The following KANK1 variants were observed in gnomAD, a reference collection of about 807,000 sequenced individuals.
KANK1 encodes the protein KN motif and ankyrin repeat domains 1.
In KANK1, 109 loss-of-function variants were observed where a neutral mutation model predicts 106.2. The ratio of observed to expected loss-of-function variants is 1.03; its 90% CI spans 0.88 to 1.20. KANK1 has a LOEUF of 1.20. KANK1 is among the 50% of genes most tolerant of loss of function. The pLI is 0.00. For missense variants in KANK1, 2,399 were observed against 1,710.7 expected (o/e 1.40, Z -7.10); for synonymous variants, 873 against 652.2 (o/e 1.34, Z -5.16).
In KANK1 at chr9:630,503, A is replaced by AT. The variant is rs1835430530; in HGVS notation, c.-83-46386dup. Among the ~76,000 whole-genome samples the AT allele has an allele frequency of 2.0e-5, 3 of 150,730 alleles. No individual in the cohort carries two copies. In the South Asian group the frequency reaches 6.3e-4, roughly 32 times the overall value. On this transcript the variant is annotated intron_variant, in intron 1 of 11. Coordinates refer to ENST00000382297, the MANE Select transcript of KANK1 (RefSeq NM_015158.5). ...GAGGCGGAGCTTGCAGTGAGCTGAG[A>AT]TCCCGCCACTGCACTGCAGCCTGGG...
At chr9:723,089 A>C (rs373816655) in intron 3 of KANK1, among the ~76,000 whole-genome samples, 53 of 152,322 alleles carry the variant, frequency 3.5e-4, no homozygotes, top group African/African-American at 1.7e-4. Context: ...CCAGACCTGT[A>C]GGATGATCTA....
intron 1 of KANK1, among the ~76,000 whole-genome samples, chr9:613,161 C>G: frequency 6.6e-6 from 1 of 151,896 alleles, no homozygotes; most frequent in Admixed American, 6.6e-5. Context: ...TGGCTCCATG[C>G]TTCCTAGCAG....
chr9:715,601 TC>T (rs2131083996), intron 3 of KANK1, among the ~76,000 whole-genome samples: 1 of 152,304 alleles, frequency 6.6e-6, no homozygotes, highest in South Asian at 2.1e-4. Context: ...ACTGGTTAGA[TC>T]CAACCCTGCT....
At chr9:568,846 C>T (rs16919829) in intron 1 of KANK1, among the ~76,000 whole-genome samples, 38,021 of 152,054 alleles carry the variant, frequency 0.25, 4,977 homozygotes, top group Admixed American at 0.32. Context: ...AATTACAGGT[C>T]AGAAGTCACA....
chr9:665,258 G>A (rs1844306353), intron 1 of KANK1, among the ~76,000 whole-genome samples: 1 of 152,156 alleles, frequency 6.6e-6, no homozygotes. Context: ...ATGTCCTGGA[G>A]CATTTCCCCA....
intron 5 of KANK1, chr9:732,024 T>A (rs1159237548): frequency 5.6e-6 from 1 of 177,078 alleles, no homozygotes; most frequent in Non-Finnish European, 1.2e-5. Context: ...CTGGGAGAAT[T>A]AATAGGATGA....
chr9:709,610 C>CTTTTTTTT (rs60899850), intron 2 of KANK1, among the ~76,000 whole-genome samples: 1 of 137,028 alleles, frequency 7.3e-6, no homozygotes, highest in African/African-American at 2.7e-5. Context: ...GCTTTCATGT[C>CTTTTTTTT]TTTTTTTTTT....
intron 1 of KANK1, among the ~76,000 whole-genome samples, chr9:639,251 G>A (rs902090395): frequency 6.6e-6 from 1 of 152,036 alleles, no homozygotes; most frequent in Non-Finnish European, 1.5e-5. Context: ...CTTATCATTG[G>A]CAGTAATCAG....
At chr9:480,675 A>C (rs713244) in intron 3 of KANK1, among the ~76,000 whole-genome samples, 29,976 of 152,202 alleles carry the variant, frequency 0.2, 3,767 homozygotes, top group East Asian at 0.54. Flanking sequence ...TCAGCTTTCC[A>C]CCAGTGGAAC....
chr9:660,312 G>A (rs1480166857), intron 1 of KANK1: 2 of 223,306 alleles, frequency 9.0e-6, no homozygotes, highest in African/African-American at 4.6e-5. Flanking sequence ...CCAGCTAAAT[G>A]TTCATGGGTT....
At position 698,124 on chromosome 9, in the gene KANK1, G is replaced by A. The variant is rs566682807; in HGVS notation, c.38-12680G>A. On this transcript the variant is annotated intron_variant, in intron 2 of 11. Coordinates refer to ENST00000382297, the MANE Select transcript of KANK1 (RefSeq NM_015158.5). ...TTCCCTGTTGGCCAATTCAGGCCCT[G>A]GTCAGATGCGGGTGGATAGGTACAC... Among the ~76,000 whole-genome samples, 17 of 152,288 alleles carry A rather than the reference G, an allele frequency of 1.1e-4. 1 individual carries two copies. The South Asian group carries it at 1.2e-3, about 11-fold the overall frequency.
rs1181751135 is a variant in KANK1 at position 745,486 on chromosome 9, C to T, written c.*251C>T. On this transcript the variant is annotated 3_prime_UTR_variant, in exon 12 of 12. Transcript: ENST00000382297. Reference sequence around the variant, plus strand: ...CTCTGTTGCTGTTGAGTCTCTGCTCCGTTTTGTACAGTCACAGGGAATTCT... The same window carrying T: ...CTCTGTTGCTGTTGAGTCTCTGCTCTGTTTTGTACAGTCACAGGGAATTCT... 3.8e-5 allele frequency: 15 copies of T among 391,244 alleles called. No homozygotes were observed. The highest frequency in any genetic ancestry group is 1.5e-4 in the African/African-American group (7 of 48,044). The allele number at this position is 391,244 out of a possible 1,614,324, so 24.2% of individuals were successfully genotyped here.
chr9:682,967 C>T (rs1588883495), intron 2 of KANK1, among the ~76,000 whole-genome samples: 1 of 152,134 alleles, frequency 6.6e-6, no homozygotes. Flanking sequence ...GAACTCTGAG[C>T]CCACTGCGGT....
intron 1 of KANK1, among the ~76,000 whole-genome samples, chr9:593,922 C>G (rs1825607500): frequency 6.6e-6 from 1 of 151,886 alleles, no homozygotes; most frequent in African/African-American, 2.4e-5. Context: ...GCTTCCCTCC[C>G]CCAGCCATGG....
intron 1 of KANK1, among the ~76,000 whole-genome samples, chr9:530,008 T>G (rs2059986599): frequency 6.6e-6 from 1 of 152,268 alleles, no homozygotes; most frequent in African/African-American, 2.4e-5. Flanking sequence ...CATCTGTTTT[T>G]AATTTGCATT....
At position 644,377 on chromosome 9, in the gene KANK1, A is replaced by G. The variant is rs528087461; in HGVS notation, c.-83-32513A>G. Reference sequence around the variant, plus strand: ...TTAATTAGTCCGTTCTCTCACTGCTATAAAGAAATACTGGAGACTGGGCAA... The same window carrying G: ...TTAATTAGTCCGTTCTCTCACTGCTGTAAAGAAATACTGGAGACTGGGCAA... On this transcript the variant is annotated intron_variant, in intron 1 of 11. Coordinates refer to ENST00000382297, the MANE Select transcript of KANK1 (RefSeq NM_015158.5). 1.7e-4 allele frequency among the ~76,000 whole-genome samples: 26 copies of G among 151,140 alleles called. 2 individuals carry two copies. Among genetic ancestry groups the G allele is most frequent in the African/African-American group, 4.9e-4 (20 of 40,444 alleles).
intron 2 of KANK1, among the ~76,000 whole-genome samples, chr9:694,970 G>A (rs1350663410): frequency 2.0e-5 from 3 of 152,052 alleles, no homozygotes; most frequent in South Asian, 2.1e-4. Context: ...AAGTCTAGTC[G>A]ACAGTTACTC....
Position 711,849 on chromosome 9 carries a change from G to A in KANK1, c.1083G>A (p.Thr361=), listed in dbSNP as rs534950294. The A allele has an allele frequency of 4.7e-5, 76 of 1,614,142 alleles. No homozygotes were observed. Among genetic ancestry groups the A allele is most frequent in the Admixed American group, 2.2e-4 (13 of 60,024 alleles). Residue 361 remains threonine (T), a synonymous_variant, in exon 3 of 12, where the codon ACG becomes ACA. Coordinates refer to ENST00000382297, the MANE Select transcript of KANK1 (RefSeq NM_015158.5). ...AAATGGAGACCGTAGAACAGAGCAC[G>A]CAGAGGATAAAGGAGTTCCGGCAAC... ...EEEMETVEQS[T]QRIKEFRQLT... is the part of the protein sequence containing the mutation.
At chr9:550,201 C>A (rs572100040) in intron 1 of KANK1, among the ~76,000 whole-genome samples, 18 of 152,144 alleles carry the variant, frequency 1.2e-4, no homozygotes, top group Middle Eastern at 3.4e-3. Context: ...CCACCCCAAC[C>A]GCCTCCCCTC....
Sources: gnomAD v4.1 joint callset for allele counts (sites outside exome capture counted in the v4.1 genomes callset) on GRCh38, gnomAD v4.1.1 for gene constraint, MANE v1.5 for transcripts, NCBI Gene and HGNC (gene_info 2026-07-23, HGNC 2026-07-21) for gene names.